The following MTRFR variants were observed in gnomAD, a reference collection of about 807,000 sequenced individuals.
MTRFR encodes mitochondrial translation release factor in rescue, also known as probable peptide chain release factor C12orf65, mitochondrial.
MTRFR carries 10 observed loss-of-function variants against 11.9 expected under a neutral mutation model. The observed-to-expected ratio is 0.84, with a 90% CI of 0.52 to 1.42. The LOEUF (loss-of-function observed/expected upper bound fraction) is 1.42, where lower values mean the gene tolerates loss of function less well. Ranked by LOEUF, MTRFR falls within the 40% of genes most tolerant of loss-of-function variation. The pLI, the probability that MTRFR is intolerant of heterozygous loss-of-function variation, is 0.00. For missense variants in MTRFR, 196 were observed against 197.9 expected, an observed-to-expected ratio of 0.99 and a Z score of 0.06; for synonymous variants, 77 against 79.1, an observed-to-expected ratio of 0.97 and a Z score of 0.14.
intron 1 of MTRFR, among the ~76,000 whole-genome samples, chr12:123,234,613 T>G (rs1308653030): frequency 6.6e-6 from 1 of 152,106 alleles, no homozygotes; most frequent in African/African-American, 2.4e-5. Flanking sequence ...GCCAGGCTGG[T>G]CTCGAATTCC....
At chr12:123,251,648 C>T (rs1437469076) in intron 1 of MTRFR, 1 of 152,868 alleles carries the variant, frequency 6.5e-6, no homozygotes, top group East Asian at 1.9e-4. Flanking sequence ...GAGGATCTCC[C>T]TTTCCCACTT....
chr12:123,251,532 CT>C (rs2048111330), intron 1 of MTRFR: 1 of 152,328 alleles, frequency 6.6e-6, no homozygotes, highest in African/African-American at 2.4e-5. Context: ...TCCTCTACCC[CT>C]GTAGTTCGCT....
At chr12:123,247,274 G>A (rs987896522) in intron 1 of MTRFR, among the ~76,000 whole-genome samples, 1 of 152,008 alleles carries the variant, frequency 6.6e-6, no homozygotes, top group Non-Finnish European at 1.5e-5. Context: ...CTATTATTGT[G>A]CTGCTGTCTA....
intron 1 of MTRFR, among the ~76,000 whole-genome samples, chr12:123,239,887 C>G (rs895264202): frequency 6.6e-6 from 1 of 152,138 alleles, no homozygotes; most frequent in Admixed American, 6.6e-5. Flanking sequence ...CTTGCCCTCC[C>G]ATCACACTCC....
intron 1 of MTRFR, among the ~76,000 whole-genome samples, chr12:123,244,571 A>C (rs1313229124): frequency 6.6e-6 from 1 of 152,222 alleles, no homozygotes; most frequent in Admixed American, 6.5e-5. Flanking sequence ...CAGAGATTTT[A>C]CTACAAATCA....
intron 1 of MTRFR, 74 bp downstream of exon 1, chr12:123,233,605 G>A (rs561527918): frequency 2.6e-5 from 4 of 152,254 alleles, no homozygotes; most frequent in Admixed American, 1.3e-4. Flanking sequence ...AGAGGACTGC[G>A]AGCCGGGACG....
At chr12:123,256,351 A>G (rs1262312896) in intron 2 of MTRFR, among the ~76,000 whole-genome samples, 2 of 152,218 alleles carry the variant, frequency 1.3e-5, no homozygotes, top group Non-Finnish European at 2.9e-5. Flanking sequence ...ATCACACTGA[A>G]AGCCACATAA....
At chr12:123,256,134 G>A (rs752643108) in intron 2 of MTRFR, among the ~76,000 whole-genome samples, 2 of 152,156 alleles carry the variant, frequency 1.3e-5, no homozygotes, top group Non-Finnish European at 2.9e-5. Context: ...ATTACACAGT[G>A]AATGAGTTAT....
chr12:123,250,489 C>G (rs566168904), intron 1 of MTRFR: 2 of 152,286 alleles, frequency 1.3e-5, no homozygotes, highest in Non-Finnish European at 2.9e-5. Context: ...TGGGTAGGCT[C>G]TGTCAGAGGG....
intron 1 of MTRFR, among the ~76,000 whole-genome samples, chr12:123,239,997 T>G (rs2047906150): frequency 6.6e-6 from 1 of 152,108 alleles, no homozygotes; most frequent in African/African-American, 2.4e-5. Flanking sequence ...CATCCTTGTT[T>G]AAAGCACTTA....
chr12:123,249,794 CGA>C (rs2048091772), intron 1 of MTRFR: 1 of 152,380 alleles, frequency 6.6e-6, no homozygotes, highest in Non-Finnish European at 1.5e-5. Flanking sequence ...GCGCCGAGAG[CGA>C]GTGAGGGCTA....
At chr12:123,251,660 C>T (rs1305676081) in intron 1 of MTRFR, 1 of 153,000 alleles carries the variant, frequency 6.5e-6, no homozygotes. Flanking sequence ...TTCCCACTTC[C>T]ACAGTTGGGG....
intron 1 of MTRFR, chr12:123,249,917 C>G (rs1299591455): frequency 6.6e-6 from 1 of 152,236 alleles, no homozygotes; most frequent in Non-Finnish European, 1.5e-5. Context: ...ATTTGGATGT[C>G]TAGGTCTCTA....
upstream of MTRFR, chr12:123,232,927 G>C (rs2047729898): frequency 6.6e-6 from 1 of 152,372 alleles, no homozygotes; most frequent in Non-Finnish European, 1.5e-5. Flanking sequence ...ACACGCCGAA[G>C]GGCTCCGAGG....
At chr12:123,243,312 C>T (rs1181442694) in intron 1 of MTRFR, among the ~76,000 whole-genome samples, 3 of 151,796 alleles carry the variant, frequency 2.0e-5, no homozygotes, top group East Asian at 3.9e-4. Context: ...GGGCGGATCA[C>T]GAGGTCAGGA....
intron 1 of MTRFR, chr12:123,251,590 C>G (rs2048111739): frequency 6.6e-6 from 1 of 152,416 alleles, no homozygotes; most frequent in African/African-American, 2.4e-5. Flanking sequence ...ATTTCTCCTG[C>G]AAACAGACCT....
chr12:123,255,398 A>G (rs867427074), intron 2 of MTRFR, among the ~76,000 whole-genome samples: 7 of 152,112 alleles, frequency 4.6e-5, no homozygotes, highest in South Asian at 2.1e-4. Flanking sequence ...TGTTTAACCT[A>G]TTTGACATAA....
At position 123,257,139 on chromosome 12, in the gene MTRFR, T is replaced by C; in HGVS notation, c.*108T>C. ...TTATAGTGCTTCAAAAGAAATATTT[T>C]TGATGAACTTAAAAGACAACAAATT... On this transcript the variant is annotated 3_prime_UTR_variant, in exon 3 of 3. Transcript: ENST00000253233. 5.7e-6 allele frequency: 5 copies of C among 884,650 alleles called. No homozygotes were observed. Among genetic ancestry groups the C allele is most frequent in the Admixed American group, 4.3e-5 (2 of 46,682 alleles). 54.8% of individuals were successfully genotyped at this position (884,650 alleles called of 1,614,324 possible).
At chr12:123,241,884 G>A (rs973102357) in intron 1 of MTRFR, among the ~76,000 whole-genome samples, 6 of 152,322 alleles carry the variant, frequency 3.9e-5, no homozygotes, top group East Asian at 1.9e-4. Context: ...CATGAAGAAC[G>A]CCACTCAGTA....
Sources: allele counts gnomAD v4.1 joint callset (sites outside exome capture counted in the v4.1 genomes callset), GRCh38; gene constraint gnomAD v4.1.1; transcripts MANE v1.5; gene names NCBI Gene and HGNC (gene_info 2026-07-23, HGNC 2026-07-21).